Variants in ACTR3 observed in about 807,000 individuals in gnomAD.
The protein encoded by ACTR3 is actin-related protein 3.
A neutral mutation model predicts 56.8 loss-of-function variants in ACTR3; 12 were observed. The ratio of observed to expected loss-of-function variants is 0.21; its 90% CI spans 0.14 to 0.34. The LOEUF (loss-of-function observed/expected upper bound fraction) is 0.34. Among genes scored for constraint, ACTR3 ranks in the 10% least tolerant of loss-of-function variants. The pLI is 1.00. For synonymous variants in ACTR3, 162 were observed against 167.4 expected (o/e 0.97, Z 0.25); for missense variants, 282 against 512.5 (o/e 0.55, Z 4.34).
intron 1 of ACTR3, among the ~76,000 whole-genome samples, chr2:113,895,570 C>T (rs1411993925): frequency 6.6e-6 from 1 of 152,212 alleles, no homozygotes; most frequent in Non-Finnish European, 1.5e-5. Context: ...GATGATTCTT[C>T]AGCAGCCCAT....
intron 3 of ACTR3, among the ~76,000 whole-genome samples, chr2:113,919,026 C>T (rs957148221): frequency 8.5e-5 from 13 of 152,182 alleles, no homozygotes; most frequent in African/African-American, 2.9e-4. Flanking sequence ...CCCCATGTGC[C>T]TATCATACAA....
chr2:113,932,712 AACTT>A (rs1308966816), intron 5 of ACTR3, among the ~76,000 whole-genome samples: 2 of 152,204 alleles, frequency 1.3e-5, no homozygotes, highest in South Asian at 2.1e-4. Flanking sequence ...GATAGTTTTG[AACTT>A]ACTTATAGAG....
chr2:113,893,545 A>G (rs1048319234), intron 1 of ACTR3, among the ~76,000 whole-genome samples: 10 of 151,734 alleles, frequency 6.6e-5, no homozygotes, highest in Admixed American at 4.6e-4. Flanking sequence ...ACCCGCCTCA[A>G]CCTCCCAAAG....
In ACTR3 at chr2:113,955,557, G is replaced by A. The variant is rs1680194159; in HGVS notation, c.1078-66G>A. 5.0e-6 allele frequency: 6 copies of A among 1,189,744 alleles called. No homozygotes were observed. The Admixed American group carries it at 5.5e-5, about 11-fold the overall frequency. The allele number at this position is 1,189,744 out of a possible 1,614,324, so 73.7% of individuals were successfully genotyped here. Reference sequence around the variant, plus strand: ...TTATTTTTGTATATGTACATTTAAGGTTAAATGACACAGAAGTTGTTATTT... The same window carrying A: ...TTATTTTTGTATATGTACATTTAAGATTAAATGACACAGAAGTTGTTATTT... On this transcript the variant is annotated intron_variant, in intron 10 of 11. Coordinates refer to ENST00000263238, the MANE Select transcript of ACTR3 (RefSeq NM_005721.5).
chr2:113,928,228 A>C, intron 4 of ACTR3, among the ~76,000 whole-genome samples: 1 of 152,170 alleles, frequency 6.6e-6, no homozygotes, highest in East Asian at 1.9e-4. Flanking sequence ...GATGGACTAT[A>C]AAGTTGAAAG....
At chr2:113,914,235 A>G (rs1174487588) in intron 2 of ACTR3, among the ~76,000 whole-genome samples, 1 of 152,228 alleles carries the variant, frequency 6.6e-6, no homozygotes, top group Non-Finnish European at 1.5e-5. Context: ...CTTTAGTATC[A>G]CTTGAGCACT....
At chr2:113,897,362 C>G (rs1679026249) in intron 1 of ACTR3, among the ~76,000 whole-genome samples, 1 of 151,800 alleles carries the variant, frequency 6.6e-6, no homozygotes, top group African/African-American at 2.4e-5. Flanking sequence ...AAAAAAAATT[C>G]TAGTTTTTTT....
rs562990490 is a variant in ACTR3, at chr2:113,932,230, C to G, written c.432+834C>G. On this transcript the variant is annotated intron_variant, in intron 5 of 11. Transcript: ENST00000263238. ...TGCAATCCATAAATTTAATGAACTG[C>G]CTTTTAAATTCTCTGCTGCTAAAAA... 2.6e-5 allele frequency among the ~76,000 whole-genome samples: 4 copies of G among 152,206 alleles called. No individual in the cohort carries two copies. The East Asian group carries it at 7.7e-4, about 29-fold the overall frequency.
intron 2 of ACTR3, among the ~76,000 whole-genome samples, chr2:113,915,026 T>C (rs760299583): frequency 2.0e-5 from 3 of 152,328 alleles, no homozygotes; most frequent in East Asian, 1.9e-4. Context: ...AAGAATTCGG[T>C]GATACATGTT....
At chr2:113,904,079 C>T (rs1679149896) in intron 1 of ACTR3, 1 of 151,708 alleles carries the variant, frequency 6.6e-6, no homozygotes, top group Non-Finnish European at 1.5e-5. Flanking sequence ...CCAGGATGGT[C>T]TCGATCTCCT....
chr2:113,891,891 T>G (rs1474440617), intron 1 of ACTR3, among the ~76,000 whole-genome samples: 1 of 152,174 alleles, frequency 6.6e-6, no homozygotes, highest in African/African-American at 2.4e-5. Context: ...ACCAATAATT[T>G]TTTTTATTTC....
At chr2:113,902,720 CTCCT>C (rs1343325729) in intron 1 of ACTR3, among the ~76,000 whole-genome samples, 1 of 152,132 alleles carries the variant, frequency 6.6e-6, no homozygotes, top group African/African-American at 2.4e-5. Flanking sequence ...CTGCCTCAGC[CTCCT>C]GAGTAGCTGA....
chr2:113,903,241 A>G (rs1454498830), intron 1 of ACTR3, among the ~76,000 whole-genome samples: 1 of 151,884 alleles, frequency 6.6e-6, no homozygotes, highest in Non-Finnish European at 1.5e-5. Context: ...CTTATCTTTG[A>G]TTTTCAGTGG....
At chr2:113,898,372 C>T (rs1156372236) in intron 1 of ACTR3, among the ~76,000 whole-genome samples, 3 of 152,004 alleles carry the variant, frequency 2.0e-5, no homozygotes, top group Admixed American at 6.6e-5. Flanking sequence ...GAAACAGAGG[C>T]TCAGAGTTGA....
Position 113,955,673 on chromosome 2 carries a change from A to T in ACTR3, c.1128A>T (p.Ala376=). ...QVITHHMQRY[A]VWFGGSMLAS... is the part of the protein sequence containing the mutation. ...TTACACACCACATGCAGCGATATGC[A>T]GTTTGGTTTGGAGGATCAATGCTGG... is the stretch of plus-strand genomic sequence containing the variant. Residue 376 remains alanine, a synonymous_variant, in exon 11 of 12, where the codon GCA becomes GCT. Coordinates refer to ENST00000263238, the MANE Select transcript of ACTR3 (RefSeq NM_005721.5). 2.5e-6 allele frequency: 4 copies of T among 1,613,492 alleles called. No homozygotes were observed. Among genetic ancestry groups the T allele is most frequent in the African/African-American group, 1.3e-5 (1 of 75,020 alleles).
In ACTR3 at chr2:113,959,285, G is replaced by C. The variant is rs149187776; in HGVS notation, c.*1830G>C. 88 of 151,996 alleles carry C rather than the reference G, an allele frequency of 5.8e-4. No individual in the cohort carries two copies. The highest frequency in any genetic ancestry group is 2.0e-3 in the African/African-American group (81 of 41,508). The allele number at this position is 151,996 out of a possible 1,614,324, so 9.4% of individuals were successfully genotyped here. On this transcript the variant is annotated 3_prime_UTR_variant, in exon 12 of 12. Coordinates refer to ENST00000263238, the MANE Select transcript of ACTR3 (RefSeq NM_005721.5). Reference sequence around the variant, plus strand: ...CAAATAGGAACTTACTGTATATACTGTTCTGCACTTTGCTTTTATTAAAGA... The same window carrying C: ...CAAATAGGAACTTACTGTATATACTCTTCTGCACTTTGCTTTTATTAAAGA...
In ACTR3 at chr2:113,961,601, AT is replaced by A. The variant is rs1488843357; in HGVS notation, c.*4147del. On this transcript the variant is annotated 3_prime_UTR_variant, in exon 12 of 12. Coordinates refer to ENST00000263238, the MANE Select transcript of ACTR3 (RefSeq NM_005721.5). ...GCACCAACATTCACTTATATTACCT[AT>A]ATATTGCATCAAGTTTTGAGCCTTC... 6.6e-6 allele frequency: 1 copy of A among 151,954 alleles called. No homozygotes were observed. Among genetic ancestry groups the A allele is most frequent in the African/African-American group, 2.4e-5 (1 of 41,426 alleles). The allele number at this position is 151,954 out of a possible 1,614,324, so 9.4% of individuals were successfully genotyped here.
At chr2:113,910,983 A>G (rs1286190527) in intron 1 of ACTR3, among the ~76,000 whole-genome samples, 1 of 152,178 alleles carries the variant, frequency 6.6e-6, no homozygotes, top group African/African-American at 2.4e-5. Flanking sequence ...TTTTAGGTAG[A>G]GTGTTTTGGT....
chr2:113,948,226 C>T (rs189165771), intron 8 of ACTR3, among the ~76,000 whole-genome samples: 1 of 152,232 alleles, frequency 6.6e-6, no homozygotes, highest in Non-Finnish European at 1.5e-5. Context: ...TGAGTCATGG[C>T]TCGCTGCAGT....
Sources: allele counts gnomAD v4.1 joint callset (sites outside exome capture counted in the v4.1 genomes callset), GRCh38; gene constraint gnomAD v4.1.1; transcripts MANE v1.5; gene names NCBI Gene and HGNC (gene_info 2026-07-23, HGNC 2026-07-21).